Variants in CDH22 observed in about 807,000 individuals in gnomAD.
CDH22 encodes cadherin 22.
A neutral mutation model predicts 58.4 loss-of-function variants in CDH22; 30 were observed. That is an observed-to-expected ratio of 0.51 (90% CI 0.38 to 0.70). The LOEUF (loss-of-function observed/expected upper bound fraction) is 0.70, where lower values mean the gene tolerates loss of function less well. Among genes scored for constraint, CDH22 ranks in the 30% least tolerant of loss-of-function variants. The pLI, the probability that CDH22 is intolerant of heterozygous loss-of-function variation, is 0.00. For synonymous variants in CDH22, 513 were observed against 558.2 expected, an observed-to-expected ratio of 0.92 and a Z score of 1.14; for missense variants, 1,014 against 1,233.9, an observed-to-expected ratio of 0.82 and a Z score of 2.67.
intron 3 of CDH22, among the ~76,000 whole-genome samples, chr20:46,238,259 G>A (rs1183355487): frequency 6.6e-6 from 1 of 152,160 alleles, no homozygotes; most frequent in African/African-American, 2.4e-5. Context: ...TTAAGTGAAG[G>A]GAGACAGGGC....
intron 1 of CDH22, among the ~76,000 whole-genome samples, chr20:46,260,423 G>T (rs527252670): frequency 3.3e-5 from 5 of 152,330 alleles, no homozygotes; most frequent in Non-Finnish European, 7.3e-5. Context: ...CCTCAGGCCT[G>T]TCTGGCTGGG....
At position 46,174,911 on chromosome 20, in the gene CDH22, G is replaced by A. The variant is rs2085727109; in HGVS notation, c.2082C>T (p.Phe694=). 6 of 1,319,642 alleles carry A rather than the reference G, an allele frequency of 4.5e-6. No homozygotes were observed. The highest frequency in any genetic ancestry group is 4.9e-6 in the Non-Finnish European group (5 of 1,013,138). The allele number at this position is 1,319,642 out of a possible 1,614,324, so 81.7% of individuals were successfully genotyped here. A position where few individuals can be genotyped will look rare whatever the true frequency, so the allele number is the denominator to read the frequency against. Residue 694 remains phenylalanine, a synonymous_variant, in exon 12 of 12, where the codon TTC becomes TTT. Coordinates refer to ENST00000537909, the MANE Select transcript of CDH22 (RefSeq NM_021248.3). This position sits in a 1 kb window ranked among gnomAD's most constrained non-coding sequence, Gnocchi z 4.4. ...DMSALRSLYD[F]GELKGGDGGG... ...CCCCGTCGCCGCCCTTGAGCTCGCC[G>A]AAGTCGTAGAGGCTCCGCAGCGCCG... is the stretch of plus-strand genomic sequence containing the variant.
rs760620139 is a variant in CDH22 at position 46,186,712 on chromosome 20, G to T, written c.1546-7C>A. 6.2e-7 allele frequency: 1 copy of T among 1,612,932 alleles called. No individual in the cohort carries two copies. The highest frequency in any genetic ancestry group is 1.7e-5 in the Admixed American group (1 of 59,974). On this transcript the variant is annotated splice_polypyrimidine_tract_variant and splice_region_variant and intron_variant, in intron 9 of 11. Transcript: ENST00000537909. ...CGCTGATGGTCTGGATGAGCTGAAGGGTGAGGAGGGGATAGAGGGCTAGTG... is the reference window on the plus strand; with the variant it reads ...CGCTGATGGTCTGGATGAGCTGAAGTGTGAGGAGGGGATAGAGGGCTAGTG...
intron 1 of CDH22, among the ~76,000 whole-genome samples, chr20:46,254,342 G>A (rs531170344): frequency 2.6e-4 from 39 of 152,072 alleles, no homozygotes; most frequent in Non-Finnish European, 5.0e-4. Flanking sequence ...ATCACTTTAG[G>A]TCAGGAGTTC....
chr20:46,275,077 T>C (rs1360536955), intron 1 of CDH22, among the ~76,000 whole-genome samples: 1 of 152,180 alleles, frequency 6.6e-6, no homozygotes, highest in Non-Finnish European at 1.5e-5. Flanking sequence ...ATGGGTGAAT[T>C]TTAGAGCATG....
intron 1 of CDH22, among the ~76,000 whole-genome samples, chr20:46,294,815 T>G (rs2086621289): frequency 6.6e-6 from 1 of 152,210 alleles, no homozygotes; most frequent in Admixed American, 6.5e-5. Flanking sequence ...GAAGTGGGAT[T>G]CCTGGCATTG....
At chr20:46,190,356 G>A (rs6032712) in intron 8 of CDH22, among the ~76,000 whole-genome samples, 17,182 of 152,136 alleles carry the variant, frequency 0.11, 1,606 homozygotes, top group East Asian at 0.33. Flanking sequence ...GGTTGGGTCC[G>A]AACCCTCCTG....
At chr20:46,224,014 C>T (rs1279986817) in intron 4 of CDH22, among the ~76,000 whole-genome samples, 4 of 151,980 alleles carry the variant, frequency 2.6e-5, no homozygotes, top group Non-Finnish European at 4.4e-5. Flanking sequence ...CCACCACTCC[C>T]GGCTAATTTT....
At position 46,199,931 on chromosome 20, in the gene CDH22, T is replaced by C. The variant is rs1280306381; in HGVS notation, c.1287-372A>G. 1.1e-4 allele frequency among the ~76,000 whole-genome samples: 3 copies of C among 26,538 alleles called. No individual in the cohort carries two copies. The African/African-American group carries it at 1.8e-3, about 16-fold the overall frequency. 17.4% of individuals were successfully genotyped at this position (26,538 alleles called of 152,430 possible). On this transcript the variant is annotated intron_variant, in intron 7 of 11. Transcript: ENST00000537909. ...TTCTTCTTTCTTTCTTTCTCTCTCT[T>C]TCCTTCCTTCCTTCTTTTTCTTTTT...
intron 8 of CDH22, among the ~76,000 whole-genome samples, chr20:46,197,295 G>GAT (rs34730995): frequency 0.12 from 17,238 of 141,690 alleles, 1,105 homozygotes; most frequent in Middle Eastern, 0.18. Context: ...TCTAGGCCAG[G>GAT]ATATATATAT....
At chr20:46,274,218 G>A (rs141174897) in intron 1 of CDH22, among the ~76,000 whole-genome samples, 36 of 152,242 alleles carry the variant, frequency 2.4e-4, no homozygotes, top group African/African-American at 8.2e-4. Flanking sequence ...GAAGCTTTCT[G>A]GGGATTGGGC....
Position 46,290,188 on chromosome 20 carries a change from T to C in CDH22, c.-400+18067A>G, listed in dbSNP as rs548709458. Reference sequence around the variant, plus strand: ...CAACTTGAGGGGCTCAACTTGAGGATATTTATTAGATTTTCAAAGCTTCTT... The same window carrying C: ...CAACTTGAGGGGCTCAACTTGAGGACATTTATTAGATTTTCAAAGCTTCTT... On this transcript the variant is annotated intron_variant, in intron 1 of 11. Transcript: ENST00000537909. 2.6e-5 allele frequency among the ~76,000 whole-genome samples: 4 copies of C among 152,300 alleles called. No individual in the cohort carries two copies. In the East Asian group the frequency reaches 5.8e-4, roughly 22 times the overall value.
At chr20:46,278,233 C>T (rs1322875462) in intron 1 of CDH22, among the ~76,000 whole-genome samples, 3 of 152,220 alleles carry the variant, frequency 2.0e-5, no homozygotes, top group Non-Finnish European at 4.4e-5. Flanking sequence ...CTTTGCTTCT[C>T]GTGCTGGCCA....
chr20:46,179,529 G>A (rs1448895396), intron 10 of CDH22, among the ~76,000 whole-genome samples: 1 of 152,328 alleles, frequency 6.6e-6, no homozygotes, highest in South Asian at 2.1e-4. Flanking sequence ...GATGCAGCAC[G>A]ACTGGCTGTG....
chr20:46,259,252 T>G (rs1021136643), intron 1 of CDH22, among the ~76,000 whole-genome samples: 1 of 152,224 alleles, frequency 6.6e-6, no homozygotes, highest in Non-Finnish European at 1.5e-5. Flanking sequence ...GCATTTACAG[T>G]GCACCTCACA....
intron 8 of CDH22, among the ~76,000 whole-genome samples, chr20:46,195,864 G>T (rs1290166482): frequency 1.3e-5 from 2 of 152,186 alleles, no homozygotes; most frequent in East Asian, 3.8e-4. Context: ...ATGACAGGCG[G>T]TGGCTCCTGG....
rs930702849 is a variant in CDH22 at position 46,279,146 on chromosome 20, T to A, written c.-399-27453A>T. On this transcript the variant is annotated intron_variant, in intron 1 of 11. Coordinates refer to ENST00000537909, the MANE Select transcript of CDH22 (RefSeq NM_021248.3). ...AATCTTGGCTCCCACGTGGTTTTACTGCAAGGGCTGAATGAGACAATGCGC... is the reference window on the plus strand; with the variant it reads ...AATCTTGGCTCCCACGTGGTTTTACAGCAAGGGCTGAATGAGACAATGCGC... Among the ~76,000 whole-genome samples the A allele has an allele frequency of 2.0e-5, 3 of 152,220 alleles. No individual in the cohort carries two copies. The East Asian group carries it at 5.8e-4, about 29-fold the overall frequency.
intron 2 of CDH22, among the ~76,000 whole-genome samples, chr20:46,250,054 C>G (rs2086359075): frequency 6.6e-6 from 1 of 152,186 alleles, no homozygotes; most frequent in Admixed American, 6.5e-5. Context: ...GGATCTCACT[C>G]ACCTTTTCTC....
At chr20:46,275,212 C>A (rs1291485433) in intron 1 of CDH22, among the ~76,000 whole-genome samples, 1 of 152,208 alleles carries the variant, frequency 6.6e-6, no homozygotes, top group Non-Finnish European at 1.5e-5. Flanking sequence ...TCCGCTCCCC[C>A]TCTCCCTGTT....
Sources: gnomAD v4.1 joint callset for allele counts (sites outside exome capture counted in the v4.1 genomes callset) on GRCh38, gnomAD v4.1.1 for gene constraint, Gnocchi (gnomAD v3.1) non-coding constraint, MANE v1.5 for transcripts, NCBI Gene and HGNC (gene_info 2026-07-23, HGNC 2026-07-21) for gene names.